UCKL1: variants seen among roughly 807,000 people sequenced by gnomAD.
UCKL1 encodes uridine-cytidine kinase 1 like 1, also known as uridine-cytidine kinase-like 1.
Under a neutral mutation model 59.2 loss-of-function variants are expected in UCKL1, and 65 were observed. The ratio of observed to expected loss-of-function variants is 1.10; its 90% CI spans 0.90 to 1.35. The LOEUF is 1.35. UCKL1 is among the 40% of genes most tolerant of loss of function. The pLI, the probability that UCKL1 is intolerant of heterozygous loss-of-function variation, is 0.00. For missense variants in UCKL1, 703 were observed against 784.3 expected, an observed-to-expected ratio of 0.90 and a Z score of 1.24; for synonymous variants, 410 against 323.1, an observed-to-expected ratio of 1.27 and a Z score of -2.88.
Position 63,940,778 on chromosome 20 carries a change from G to T in UCKL1, c.1179+16C>A. ...CCAGCAGCCTGTCCCGCGCCCAGGT[G>T]TGCCCAGGCAGGTACCTGCTTCCCC... On this transcript the variant is annotated intron_variant, in intron 11 of 14. Coordinates refer to ENST00000354216, the MANE Select transcript of UCKL1 (RefSeq NM_017859.4). 1.9e-6 allele frequency: 3 copies of T among 1,599,094 alleles called. No individual in the cohort carries two copies. Among genetic ancestry groups the T allele is most frequent in the Non-Finnish European group, 2.6e-6 (3 of 1,174,008 alleles).
At chr20:63,951,029 C>T (rs775442515) in intron 1 of UCKL1, 2 of 1,254,598 alleles carry the variant, frequency 1.6e-6, no homozygotes, top group Non-Finnish European at 2.0e-6. Flanking sequence ...GGGTGCAGAG[C>T]CGGGTGGCTG....
intron 1 of UCKL1, chr20:63,948,578 G>A (rs1347089808): frequency 1.9e-4 from 2 of 10,392 alleles, no homozygotes; most frequent in East Asian, 6.4e-3. Flanking sequence ...AGAGGGAGGG[G>A]ATGTGTGTGA....
intron 1 of UCKL1, chr20:63,953,674 C>T (rs1175478814): frequency 6.6e-6 from 1 of 152,394 alleles, no homozygotes; most frequent in Non-Finnish European, 1.5e-5. Flanking sequence ...TGCACTCCAG[C>T]CCAGGACTCT....
At chr20:63,946,065 C>T (rs1052206058) in intron 3 of UCKL1, 90 bp from the exon 4 acceptor site, 9 of 1,608,576 alleles carry the variant, frequency 5.6e-6, no homozygotes, top group African/African-American at 1.3e-5. Flanking sequence ...CCAGGAGCAG[C>T]CACGCTGGGG....
chr20:63,945,603 G>T, intron 5 of UCKL1, 48 bp downstream of exon 5: 3 of 1,598,164 alleles, frequency 1.9e-6, no homozygotes. Flanking sequence ...GGACAGGGCG[G>T]CCAGGGCTGA....
chr20:63,952,268 ACTGGTCTTGC>A (rs1315383934), intron 1 of UCKL1, among the ~76,000 whole-genome samples: 2 of 152,146 alleles, frequency 1.3e-5, no homozygotes, highest in African/African-American at 4.8e-5. Flanking sequence ...GTGGACGCAG[ACTGGTCTTGC>A]CTGGCATGGG....
At chr20:63,941,297 G>A (rs1012146822) in intron 8 of UCKL1, 89 bp from the exon 9 acceptor site, 44 of 1,451,180 alleles carry the variant, frequency 3.0e-5, no homozygotes, top group Non-Finnish European at 4.0e-5. Context: ...TCACTGTGAG[G>A]GGAACACACG....
intron 1 of UCKL1, chr20:63,951,296 G>T (rs748505736): frequency 9.1e-6 from 7 of 768,828 alleles, no homozygotes; most frequent in Non-Finnish European, 1.1e-5. Context: ...CTGTGTGTGG[G>T]CTGGCACATT....
rs1277381919 is a variant in UCKL1 at position 63,944,661 on chromosome 20, C to T, written c.728G>A (p.Ser243Asn). ...ACCCTCGATGTCCCGGCCGCGCTCA[C>T]TGATGTCCCGGCGCAGCCGCCGTAC... Reference protein sequence around the residue: ...RLVRRLRRDISERGRDIEGVI... With the variant: ...RLVRRLRRDINERGRDIEGVI... The change falls in exon 6 of 15, where the codon AGT (serine) becomes AAT (asparagine). Residue 243 changes from serine to asparagine, a missense_variant. Ser to Asn is a conservative substitution (Grantham distance 46). This residue lies in a region of UCKL1 where 398 missense variants were observed against 373.0 expected (regional missense o/e 1.07). Transcript: ENST00000354216. 1 of 1,612,838 alleles carries T rather than the reference C, an allele frequency of 6.2e-7. No homozygotes were observed. The highest frequency in any genetic ancestry group is 1.1e-5 in the South Asian group (1 of 91,076).
At chr20:63,941,714 C>T (rs1020649565) in intron 8 of UCKL1, 3 of 207,236 alleles carry the variant, frequency 1.4e-5, no homozygotes, top group Non-Finnish European at 3.2e-5. Flanking sequence ...TTGGCTGTCC[C>T]GTCCCGCCCC....
At chr20:63,956,023 G>C in intron 1 of UCKL1, 1 of 392,346 alleles carries the variant, frequency 2.5e-6, no homozygotes, top group Non-Finnish European at 4.6e-6. Context: ...CTGGGGGTGC[G>C]CACCCGGACT....
rs571195903 is a variant in UCKL1 at position 63,940,103 on chromosome 20, C to T, written c.1567+47G>A. ...CCAGTGTGGTGGGGCCTCCCAGGGC[C>T]ACCCACCCTGCCCTCATGTGCGGCT... On this transcript the variant is annotated intron_variant, in intron 14 of 14. Coordinates refer to ENST00000354216, the MANE Select transcript of UCKL1 (RefSeq NM_017859.4). 4 of 1,611,752 alleles carry T rather than the reference C, an allele frequency of 2.5e-6. No individual in the cohort carries two copies. The South Asian group carries it at 3.3e-5, about 13-fold the overall frequency.
In UCKL1 at chr20:63,944,685, A is replaced by AC; in HGVS notation, c.703dup (p.Val235GlyfsTer10). Reference sequence around the variant, plus strand: ...ACTGATGTCCCGGCGCAGCCGCCGTACCAGGCGGATGTCGGAGTCTGTGTC... The same window carrying AC: ...ACTGATGTCCCGGCGCAGCCGCCGTACCCAGGCGGATGTCGGAGTCTGTGTC... On this transcript the variant is annotated frameshift_variant, in exon 6 of 15. Coordinates refer to ENST00000354216, the MANE Select transcript of UCKL1 (RefSeq NM_017859.4). LOFTEE classifies it high-confidence loss of function. 6.2e-7 allele frequency: 1 copy of AC among 1,612,980 alleles called. No individual in the cohort carries two copies. The highest frequency in any genetic ancestry group is 1.1e-5 in the South Asian group (1 of 91,086).
rs769665878 is a variant in UCKL1 at position 63,944,379 on chromosome 20, A to G, written c.906+18T>C. On this transcript the variant is annotated intron_variant, in intron 7 of 14. Transcript: ENST00000354216. ...AGGGGCTGGGGGCTAGGCCGTGGGG[A>G]CGTGGGACCCCGCTCACCTCCTCCA... 4 of 1,547,816 alleles carry G rather than the reference A, an allele frequency of 2.6e-6. No homozygotes were observed. The highest frequency in any genetic ancestry group is 3.5e-6 in the Non-Finnish European group (4 of 1,146,802).
chr20:63,942,950 A>C (rs554356407), intron 8 of UCKL1, among the ~76,000 whole-genome samples: 45 of 152,292 alleles, frequency 3.0e-4, no homozygotes, highest in African/African-American at 1.1e-3. Context: ...AACATTTGGC[A>C]AACTCTTTGG....
Position 63,940,070 on chromosome 20 carries a change from G to T in UCKL1, c.1568-15C>A, listed in dbSNP as rs769082828. 1.9e-6 allele frequency: 3 copies of T among 1,609,780 alleles called. No individual in the cohort carries two copies. Among genetic ancestry groups the T allele is most frequent in the South Asian group, 2.2e-5 (2 of 91,000 alleles). The stretch of plus-strand genomic sequence containing the variant: ...GCCAAAGTTCCCTGGAAAAAGGGGG[G>T]GGGGGGTCCAGTGTGGTGGGGCCTC... On this transcript the variant is annotated splice_polypyrimidine_tract_variant and intron_variant, in intron 14 of 14. Coordinates refer to ENST00000354216, the MANE Select transcript of UCKL1 (RefSeq NM_017859.4).
At position 63,944,686 on chromosome 20, in the gene UCKL1, C is replaced by G; in HGVS notation, c.703G>C (p.Val235Leu). ...CTGATGTCCCGGCGCAGCCGCCGTA[C>G]CAGGCGGATGTCGGAGTCTGTGTCC... ...FVDTDSDIRL[V>L]RRLRRDISER... The change falls in exon 6 of 15, where the codon GTA becomes CTA. Residue 235 changes from valine (V) to leucine (L), a missense_variant. By Grantham distance (32) the Val-to-Leu change is conservative. Around this residue, in one of 4 missense-constraint regions of UCKL1, gnomAD observed 398 missense variants for 373.0 expected, o/e 1.07. Transcript: ENST00000354216. The G allele has an allele frequency of 6.2e-7, 1 of 1,612,996 alleles. No homozygotes were observed. Among genetic ancestry groups the G allele is most frequent in the East Asian group, 2.2e-5 (1 of 44,876 alleles).
At chr20:63,948,019 G>A (rs141867583) in intron 1 of UCKL1, among the ~76,000 whole-genome samples, 162 of 152,338 alleles carry the variant, frequency 1.1e-3, no homozygotes, top group African/African-American at 3.3e-3. Context: ...TCAACGTGGC[G>A]CCTGCCCAGT....
intron 8 of UCKL1, chr20:63,942,473 T>C (rs1384640899): frequency 8.5e-7 from 1 of 1,176,014 alleles, no homozygotes; most frequent in African/African-American, 1.6e-5. Flanking sequence ...TGCTCACATA[T>C]CCCAACGTAG....
Sources: allele counts gnomAD v4.1 joint callset (sites outside exome capture counted in the v4.1 genomes callset), GRCh38; gene constraint gnomAD v4.1.1; regional missense constraint gnomAD v4.1.1; transcripts MANE v1.5; gene names NCBI Gene and HGNC (gene_info 2026-07-23, HGNC 2026-07-21).